PDE6A: variants seen among roughly 807,000 people sequenced by gnomAD.
PDE6A encodes the protein rod cGMP-specific 3',5'-cyclic phosphodiesterase subunit alpha.
In PDE6A, 84 loss-of-function variants were observed where a neutral mutation model predicts 106.3. The ratio of observed to expected loss-of-function variants is 0.79; its 90% CI spans 0.66 to 0.95. The LOEUF (loss-of-function observed/expected upper bound fraction) is 0.95, where lower values mean the gene tolerates loss of function less well. Ranked by LOEUF, PDE6A falls within the 40% of genes least tolerant of loss-of-function variation. The pLI is 0.00. For missense variants in PDE6A, 1,052 were observed against 1,084.9 expected (o/e 0.97, Z 0.43); for synonymous variants, 394 against 386.6 (o/e 1.02, Z -0.23).
At chr5:149,906,021 C>G (rs539099119) in intron 7 of PDE6A, among the ~76,000 whole-genome samples, 2 of 152,052 alleles carry the variant, frequency 1.3e-5, no homozygotes, top group Non-Finnish European at 2.9e-5. Flanking sequence ...CCATGCCTGG[C>G]TAATTTTTAA....
intron 8 of PDE6A, among the ~76,000 whole-genome samples, chr5:149,900,812 G>A (rs1752949962): frequency 6.6e-6 from 1 of 152,068 alleles, no homozygotes; most frequent in Non-Finnish European, 1.5e-5. Context: ...AATCTTCATG[G>A]AATCCCTTCC....
intron 1 of PDE6A, among the ~76,000 whole-genome samples, chr5:149,943,809 C>T (rs746743225): frequency 6.8e-6 from 1 of 146,098 alleles, no homozygotes; most frequent in Non-Finnish European, 1.5e-5. Context: ...TGTGGAAGTA[C>T]TGTGTATTTC....
At chr5:149,899,125 T>C (rs889839149) in intron 9 of PDE6A, among the ~76,000 whole-genome samples, 4 of 152,166 alleles carry the variant, frequency 2.6e-5, no homozygotes, top group African/African-American at 9.7e-5. Flanking sequence ...CCTCAACCTC[T>C]CAAAGTGCTG....
At chr5:149,909,136 T>C (rs2113618872) in intron 6 of PDE6A, among the ~76,000 whole-genome samples, 1 of 152,246 alleles carries the variant, frequency 6.6e-6, no homozygotes, top group East Asian at 1.9e-4. Flanking sequence ...GCCAGGATTA[T>C]AGGCATGTGC....
At position 149,868,146 on chromosome 5, in the gene PDE6A, C is replaced by A; in HGVS notation, c.2148G>T (p.Met716Ile). 6.2e-7 allele frequency: 1 copy of A among 1,614,142 alleles called. No homozygotes were observed. The highest frequency in any genetic ancestry group is 1.1e-5 in the South Asian group (1 of 91,070). Residue 716 changes from methionine (M) to isoleucine (I), a missense_variant, in exon 18 of 22, where the codon ATG becomes ATT. By Grantham distance (10) the Met-to-Ile change is conservative. Transcript: ENST00000255266. ...TRKEIVMAMM[M>I]TACDLSAITK... ...TGATGGCTGAGAGATCACAGGCGGT[C>A]ATCATCATGGCCCTGGGCACACAGG...
At chr5:149,911,163 G>A (rs988760460) in intron 6 of PDE6A, among the ~76,000 whole-genome samples, 10 of 151,950 alleles carry the variant, frequency 6.6e-5, no homozygotes, top group African/African-American at 2.4e-4. Context: ...TTATAGGTGT[G>A]AGCCACTGTG....
intron 8 of PDE6A, among the ~76,000 whole-genome samples, chr5:149,901,231 A>G (rs1752965915): frequency 6.6e-6 from 1 of 152,084 alleles, no homozygotes; most frequent in Admixed American, 6.5e-5. Flanking sequence ...TATGTTTCTT[A>G]AAAACATTAT....
chr5:149,893,749 C>A (rs1234229731), intron 13 of PDE6A, among the ~76,000 whole-genome samples: 1 of 152,180 alleles, frequency 6.6e-6, no homozygotes, highest in African/African-American at 2.4e-5. Flanking sequence ...TCTGTTCATG[C>A]ATCACTAGCT....
intron 1 of PDE6A, chr5:149,940,268 C>G (rs1414257210): frequency 1.3e-5 from 2 of 152,136 alleles, no homozygotes; most frequent in African/African-American, 4.8e-5. Flanking sequence ...TGAGGCAATC[C>G]TTGTTGGCTA....
At position 149,944,742 on chromosome 5, in the gene PDE6A, T is replaced by C; in HGVS notation, c.-69A>G. The C allele has an allele frequency of 7.7e-7, 1 of 1,299,788 alleles. No homozygotes were observed. The highest frequency in any genetic ancestry group is 1.1e-6 in the Non-Finnish European group (1 of 925,518). 80.5% of individuals were successfully genotyped at this position (1,299,788 alleles called of 1,614,324 possible). On this transcript the variant is annotated 5_prime_UTR_variant, in exon 1 of 22. Coordinates refer to ENST00000255266, the MANE Select transcript of PDE6A (RefSeq NM_000440.3). ...AGGCCTTCCAATGGCAGTTTTGCAG[T>C]CTGCAACAAGTCCAGTCTGGACTTC...
intron 8 of PDE6A, 31 bp from the exon 9 acceptor site, chr5:149,899,555 C>G: frequency 6.2e-7 from 1 of 1,612,058 alleles, no homozygotes; most frequent in Non-Finnish European, 8.5e-7. Flanking sequence ...TAGGTTTCCT[C>G]TTGTTTCAGG....
At position 149,916,267 on chromosome 5, in the gene PDE6A, G is replaced by A. The variant is rs545056718; in HGVS notation, c.934-1260C>T. 6.6e-5 allele frequency among the ~76,000 whole-genome samples: 10 copies of A among 152,216 alleles called. 1 individual carries two copies. The highest frequency in any genetic ancestry group is 4.6e-4 in the Admixed American group (7 of 15,284). ...CCCAAAACATTAAATATAGAGATTC[G>A]TCTCTGCGTTTTAATTTTGACTTTG... On this transcript the variant is annotated intron_variant, in intron 5 of 21. Transcript: ENST00000255266.
chr5:149,910,797 C>T (rs181904244), intron 6 of PDE6A, among the ~76,000 whole-genome samples: 18 of 150,958 alleles, frequency 1.2e-4, no homozygotes, highest in Non-Finnish European at 2.4e-4. Context: ...AGTCACCAAA[C>T]ACTAAATTGC....
intron 11 of PDE6A, 65 bp from the exon 12 acceptor site, chr5:149,896,567 C>G: frequency 6.2e-7 from 1 of 1,613,906 alleles, no homozygotes; most frequent in African/African-American, 1.3e-5. Context: ...CACCTCCTGT[C>G]CAGCCCTGTC....
intron 1 of PDE6A, among the ~76,000 whole-genome samples, chr5:149,941,498 TC>T (rs1386626098): frequency 6.6e-6 from 1 of 152,196 alleles, no homozygotes; most frequent in East Asian, 1.9e-4. Context: ...GAACAGTGGA[TC>T]CTGGAAGAAA....
chr5:149,872,270 T>C (rs994188854), intron 17 of PDE6A, among the ~76,000 whole-genome samples: 9 of 152,232 alleles, frequency 5.9e-5, no homozygotes, highest in African/African-American at 2.2e-4. Context: ...TTGGATCCTA[T>C]GAAATTCTGA....
chr5:149,930,143 T>C (rs1411863480), intron 4 of PDE6A, among the ~76,000 whole-genome samples: 1 of 152,214 alleles, frequency 6.6e-6, no homozygotes, highest in Admixed American at 6.5e-5. Context: ...AAGTAAAAAA[T>C]GGCAGACTAT....
chr5:149,895,940 C>T (rs1282316885), intron 12 of PDE6A, among the ~76,000 whole-genome samples: 1 of 152,176 alleles, frequency 6.6e-6, no homozygotes, highest in African/African-American at 2.4e-5. Context: ...TATCCCACTG[C>T]CTCCCACACA....
At chr5:149,868,631 G>A (rs773498013) in intron 17 of PDE6A, among the ~76,000 whole-genome samples, 5 of 152,202 alleles carry the variant, frequency 3.3e-5, no homozygotes, top group Non-Finnish European at 5.9e-5. Context: ...CTGTAGAGAA[G>A]TGTTTCTCAA....
Sources: gnomAD v4.1 joint callset for allele counts (sites outside exome capture counted in the v4.1 genomes callset) on GRCh38, gnomAD v4.1.1 for gene constraint, MANE v1.5 for transcripts, NCBI Gene and HGNC (gene_info 2026-07-23, HGNC 2026-07-21) for gene names.